Variants in FBXL13 observed in about 807,000 individuals in gnomAD.
FBXL13 encodes the protein F-box and leucine rich repeat protein 13.
A neutral mutation model predicts 83.6 loss-of-function variants in FBXL13; 67 were observed. The ratio of observed to expected loss-of-function variants is 0.80; its 90% CI spans 0.66 to 0.98. The LOEUF is 0.98. Ranked by LOEUF, FBXL13 falls within the 50% of genes least tolerant of loss-of-function variation. The pLI is 0.00. For missense variants in FBXL13, 822 were observed against 866.5 expected, an observed-to-expected ratio of 0.95 and a Z score of 0.64; for synonymous variants, 272 against 299.5, an observed-to-expected ratio of 0.91 and a Z score of 0.95.
chr7:102,849,492 G>C (rs147146529), intron 17 of FBXL13, among the ~76,000 whole-genome samples: 1 of 152,256 alleles, frequency 6.6e-6, no homozygotes, highest in African/African-American at 2.4e-5. Flanking sequence ...GAATTATGTA[G>C]TGTGTAAGTT....
intron 10 of FBXL13, among the ~76,000 whole-genome samples, chr7:102,917,501 G>A (rs1448740438): frequency 6.6e-6 from 1 of 152,194 alleles, no homozygotes; most frequent in Non-Finnish European, 1.5e-5. Flanking sequence ...AATCACTGCA[G>A]ACTTCTGGTA....
intron 16 of FBXL13, among the ~76,000 whole-genome samples, chr7:102,872,654 A>G (rs1808679276): frequency 6.6e-6 from 1 of 152,238 alleles, no homozygotes; most frequent in African/African-American, 2.4e-5. Context: ...AACTAGCAGG[A>G]AATATTTTCC....
chr7:102,860,647 T>G (rs58191643), intron 16 of FBXL13, among the ~76,000 whole-genome samples: 29,020 of 152,036 alleles, frequency 0.19, 3,025 homozygotes, highest in East Asian at 0.43. Context: ...ATAGACAATG[T>G]CAATGAACTA....
At chr7:102,875,370 G>A (rs989288894) in intron 16 of FBXL13, among the ~76,000 whole-genome samples, 2 of 152,080 alleles carry the variant, frequency 1.3e-5, no homozygotes, top group Admixed American at 6.5e-5. Flanking sequence ...GAAGGGAGAG[G>A]AGGAAAGGAG....
intron 2 of FBXL13, chr7:103,049,919 G>C (rs1357781667): frequency 6.6e-6 from 1 of 152,112 alleles, no homozygotes; most frequent in Admixed American, 6.5e-5. Flanking sequence ...AATCAGAAAG[G>C]CTCATCCCCT....
At chr7:103,073,115 A>G (rs73410133) in intron 1 of FBXL13, among the ~76,000 whole-genome samples, 1,535 of 152,314 alleles carry the variant, frequency 0.01, 25 homozygotes, top group African/African-American at 0.035. Context: ...AAAAAGTTAG[A>G]ATTCTCCATC....
intron 11 of FBXL13, among the ~76,000 whole-genome samples, chr7:102,888,457 G>A (rs751094454): frequency 1.1e-4 from 16 of 152,216 alleles, no homozygotes; most frequent in African/African-American, 2.9e-4. Context: ...GAGAATCGCC[G>A]GGAGGCGGAA....
chr7:103,019,689 T>C (rs1225357791), intron 6 of FBXL13, among the ~76,000 whole-genome samples: 3 of 152,114 alleles, frequency 2.0e-5, no homozygotes, highest in Non-Finnish European at 4.4e-5. Flanking sequence ...GAGAATACTA[T>C]AAACACCTCT....
chr7:102,845,646 T>C (rs974723590), intron 17 of FBXL13, among the ~76,000 whole-genome samples: 1 of 152,196 alleles, frequency 6.6e-6, no homozygotes, highest in African/African-American at 2.4e-5. Flanking sequence ...GCTATCTAAA[T>C]GTTCATGTTC....
chr7:103,011,941 C>T (rs986258883), intron 6 of FBXL13, among the ~76,000 whole-genome samples: 2 of 152,074 alleles, frequency 1.3e-5, no homozygotes, highest in Non-Finnish European at 2.9e-5. Flanking sequence ...TTCAGGATAT[C>T]GTCCATGAAA....
chr7:102,834,432 TTATATATATTATATATATGTGATTA>T (rs1021231023), intron 17 of FBXL13, among the ~76,000 whole-genome samples: 1 of 132,348 alleles, frequency 7.6e-6, no homozygotes, highest in African/African-American at 3.2e-5. Context: ...ATATGTGTGA[TTATATATATTATATATATGTGATTA>T]TATATATATA....
chr7:102,871,297 T>C (rs1313978833), intron 16 of FBXL13, among the ~76,000 whole-genome samples: 1 of 152,128 alleles, frequency 6.6e-6, no homozygotes, highest in East Asian at 1.9e-4. Flanking sequence ...AAAACCATCT[T>C]TCTCTCAAAA....
chr7:103,003,825 C>T (rs1021061930), intron 6 of FBXL13, among the ~76,000 whole-genome samples: 1 of 152,200 alleles, frequency 6.6e-6, no homozygotes, highest in African/African-American at 2.4e-5. Flanking sequence ...AATCCACCCG[C>T]CTTGACCTCC....
chr7:103,014,790 G>A (rs1159817688), intron 6 of FBXL13, among the ~76,000 whole-genome samples: 3 of 151,774 alleles, frequency 2.0e-5, no homozygotes, highest in Non-Finnish European at 4.4e-5. Context: ...GGGCAAGGTA[G>A]CGGGCGCCTG....
At chr7:103,016,950 C>T (rs1212628806) in intron 6 of FBXL13, among the ~76,000 whole-genome samples, 1 of 152,212 alleles carries the variant, frequency 6.6e-6, no homozygotes, top group Non-Finnish European at 1.5e-5. Flanking sequence ...ACTTAAACGT[C>T]CCTGTCTGAC....
intron 2 of FBXL13, among the ~76,000 whole-genome samples, chr7:103,037,999 G>A (rs1471461958): frequency 3.3e-5 from 5 of 152,088 alleles, no homozygotes; most frequent in East Asian, 3.9e-4. Flanking sequence ...GTAGGGCATC[G>A]CCTCACCCAG....
At chr7:102,954,601 T>C (rs925626529) in intron 8 of FBXL13, among the ~76,000 whole-genome samples, 8 of 152,026 alleles carry the variant, frequency 5.3e-5, no homozygotes, top group South Asian at 2.1e-4. Flanking sequence ...GACTGGCAAA[T>C]TGGATAAAGA....
chr7:103,066,756 G>C (rs1798431334), intron 1 of FBXL13, among the ~76,000 whole-genome samples: 1 of 150,454 alleles, frequency 6.6e-6, no homozygotes, highest in Admixed American at 6.6e-5. Context: ...AAATGCAATT[G>C]ATTTTTTAAT....
At position 103,072,779 on chromosome 7, in the gene FBXL13, C is replaced by A. The variant is rs148458398; in HGVS notation, c.-105+1467G>T. 2.2e-3 allele frequency among the ~76,000 whole-genome samples: 340 copies of A among 152,380 alleles called. 3 individuals are homozygous for A. Among genetic ancestry groups the A allele is most frequent in the African/African-American group, 8.0e-3 (332 of 41,590 alleles). On this transcript the variant is annotated intron_variant, in intron 1 of 19. Coordinates refer to ENST00000313221, the Ensembl canonical transcript of FBXL13. Reference sequence around the variant, plus strand: ...CACCTCTTAGAGGAGTCTTCACTTTCTGTCCATGTATCAGTATGATATCCT... The same window carrying A: ...CACCTCTTAGAGGAGTCTTCACTTTATGTCCATGTATCAGTATGATATCCT...
Sources: allele counts gnomAD v4.1 joint callset (sites outside exome capture counted in the v4.1 genomes callset), GRCh38; gene constraint gnomAD v4.1.1; transcripts MANE v1.5; gene names NCBI Gene and HGNC (gene_info 2026-07-23, HGNC 2026-07-21).